KYNU: variants seen among roughly 807,000 people sequenced by gnomAD.
KYNU encodes kynureninase.
In KYNU, 54 loss-of-function variants were observed where a neutral mutation model predicts 59.2. The ratio of observed to expected loss-of-function variants is 0.91; its 90% CI spans 0.73 to 1.14. The LOEUF (loss-of-function observed/expected upper bound fraction) is 1.14. KYNU is among the 50% of genes most tolerant of loss of function. KYNU has a pLI of 0.00. For missense variants in KYNU, 567 were observed against 554.4 expected, an observed-to-expected ratio of 1.02 and a Z score of -0.23; for synonymous variants, 177 against 192.0, an observed-to-expected ratio of 0.92 and a Z score of 0.65.
chr2:142,927,206 A>C (rs1048448957), intron 3 of KYNU, among the ~76,000 whole-genome samples: 8 of 152,218 alleles, frequency 5.3e-5, no homozygotes, highest in Non-Finnish European at 1.2e-4. Flanking sequence ...CATGAGTATA[A>C]TCACATTTTA....
At chr2:142,932,690 T>G (rs1683263225) in intron 4 of KYNU, among the ~76,000 whole-genome samples, 1 of 143,940 alleles carries the variant, frequency 6.9e-6, no homozygotes, top group Admixed American at 7.4e-5. Flanking sequence ...AGAGCTTGAG[T>G]GAGGGCAATG....
intron 3 of KYNU, among the ~76,000 whole-genome samples, chr2:142,920,821 C>T (rs917368571): frequency 6.6e-6 from 1 of 152,138 alleles, no homozygotes; most frequent in Non-Finnish European, 1.5e-5. Flanking sequence ...ATCATGGACC[C>T]GCCCATAAAT....
intron 12 of KYNU, among the ~76,000 whole-genome samples, chr2:143,039,124 C>T (rs116473034): frequency 1.4e-3 from 207 of 152,254 alleles, no homozygotes; most frequent in African/African-American, 4.8e-3. Context: ...AGTATTTTCA[C>T]ACCAGTGCTA....
At chr2:142,997,555 G>A (rs778189803) in intron 10 of KYNU, among the ~76,000 whole-genome samples, 35 of 152,072 alleles carry the variant, frequency 2.3e-4, no homozygotes, top group Non-Finnish European at 2.6e-4. Flanking sequence ...AAGAATGTTC[G>A]CATTCCTGAA....
chr2:142,905,365 T>A (rs1224415987), intron 2 of KYNU, among the ~76,000 whole-genome samples: 1 of 152,216 alleles, frequency 6.6e-6, no homozygotes, highest in Non-Finnish European at 1.5e-5. Context: ...TCCTAACTCT[T>A]CTTCCACAAG....
intron 7 of KYNU, 149 bp from the exon 8 acceptor site, chr2:142,960,475 C>A (rs1684304895): frequency 3.5e-6 from 2 of 576,560 alleles, no homozygotes; most frequent in Non-Finnish European, 5.9e-6. Context: ...TCAAATGCTG[C>A]TCTTATGCCA....
At chr2:143,040,242 C>T (rs968836946) in intron 12 of KYNU, among the ~76,000 whole-genome samples, 186 bp from the exon 13 acceptor site, 3 of 151,902 alleles carry the variant, frequency 2.0e-5, no homozygotes, top group Non-Finnish European at 2.9e-5. Flanking sequence ...GGAAATTTTA[C>T]CTTCAGTATT....
At chr2:142,912,843 G>A (rs537210725) in intron 2 of KYNU, among the ~76,000 whole-genome samples, 1 of 150,984 alleles carries the variant, frequency 6.6e-6, no homozygotes, top group East Asian at 2.0e-4. Flanking sequence ...CAAATTAGCT[G>A]GGACTACAGG....
Position 143,054,549 on chromosome 2 carries a change from C to G in KYNU, c.*12377C>G, listed in dbSNP as rs1032917591. On this transcript the variant is annotated 3_prime_UTR_variant, in exon 14 of 14. Transcript: ENST00000264170. Reference sequence around the variant, plus strand: ...GAACTTCATTGATCAATACTGATACCACTAAAAATGGAACAACATGTAATT... The same window carrying G: ...GAACTTCATTGATCAATACTGATACGACTAAAAATGGAACAACATGTAATT... 24 of 152,010 alleles carry G rather than the reference C, an allele frequency of 1.6e-4. No individual in the cohort carries two copies. The highest frequency in any genetic ancestry group is 1.6e-3 in the Admixed American group (24 of 15,256). The allele number at this position is 152,010 out of a possible 1,614,324, so 9.4% of individuals were successfully genotyped here. A position where few individuals can be genotyped will look rare whatever the true frequency, so the allele number is the denominator to read the frequency against.
chr2:142,939,663 G>A (rs1476954473), intron 4 of KYNU, among the ~76,000 whole-genome samples: 3 of 145,920 alleles, frequency 2.1e-5, no homozygotes, highest in Non-Finnish European at 3.0e-5. Context: ...AGTACAGACC[G>A]AAAATTCTCC....
chr2:142,887,515 G>A (rs1204843709), intron 2 of KYNU, among the ~76,000 whole-genome samples: 1 of 152,114 alleles, frequency 6.6e-6, no homozygotes, highest in Non-Finnish European at 1.5e-5. Context: ...GTTCATCATA[G>A]CATTATTCAT....
At chr2:143,028,499 C>T (rs1351647650) in intron 10 of KYNU, among the ~76,000 whole-genome samples, 2 of 149,104 alleles carry the variant, frequency 1.3e-5, no homozygotes, top group Admixed American at 1.3e-4. Flanking sequence ...GCCTTGGCCT[C>T]CCAAAGTGCT....
At chr2:142,926,442 G>C (rs937500267) in intron 3 of KYNU, among the ~76,000 whole-genome samples, 2 of 152,094 alleles carry the variant, frequency 1.3e-5, no homozygotes, top group Non-Finnish European at 2.9e-5. Context: ...AAATAGAGCA[G>C]GTTTTGATCA....
intron 10 of KYNU, among the ~76,000 whole-genome samples, chr2:143,019,978 C>T (rs1043229045): frequency 6.6e-6 from 1 of 151,734 alleles, no homozygotes; most frequent in Non-Finnish European, 1.5e-5. Context: ...TTGTAATATT[C>T]CCTTTTCAGT....
intron 5 of KYNU, 48 bp from the exon 6 acceptor site, chr2:142,956,155 G>A: frequency 9.8e-7 from 1 of 1,015,590 alleles, no homozygotes; most frequent in Non-Finnish European, 1.6e-6. Flanking sequence ...ATGAACAAAT[G>A]TATAAATTGT....
At chr2:143,003,901 G>A (rs1235012066) in intron 10 of KYNU, among the ~76,000 whole-genome samples, 2 of 135,732 alleles carry the variant, frequency 1.5e-5, no homozygotes, top group African/African-American at 2.8e-5. Flanking sequence ...AAAGAACGCT[G>A]TGTTTGACAT....
intron 4 of KYNU, among the ~76,000 whole-genome samples, chr2:142,949,723 A>T (rs1354825993): frequency 2.6e-5 from 4 of 152,050 alleles, no homozygotes; most frequent in Non-Finnish European, 4.4e-5. Context: ...TGCCATGAAG[A>T]CCTCTGACAT....
chr2:143,017,364 C>T (rs769771286), intron 10 of KYNU, among the ~76,000 whole-genome samples: 10 of 150,752 alleles, frequency 6.6e-5, no homozygotes, highest in South Asian at 2.1e-4. Context: ...CCACCAACAG[C>T]GTATAACTGT....
Position 142,918,621 on chromosome 2 carries a change from T to C in KYNU, c.182T>C (p.Leu61Ser). 2.5e-6 allele frequency: 4 copies of C among 1,596,500 alleles called. No individual in the cohort carries two copies. The highest frequency in any genetic ancestry group is 3.4e-6 in the Non-Finnish European group (4 of 1,170,102). Residue 61 changes from leucine (L) to serine (S), a missense_variant, in exon 3 of 14, where the codon TTA (leucine) becomes TCA (serine). Coordinates refer to ENST00000264170, the MANE Select transcript of KYNU (RefSeq NM_003937.3). ...IQDLPPVDLSLVNKDENAIYF... is the reference protein window; with the variant it reads ...IQDLPPVDLSSVNKDENAIYF... ...TCTTCTGTTTCAGTTGATTTATCATTAGTGAATAAAGATGAAAATGCCATC... is the reference window on the plus strand; with the variant it reads ...TCTTCTGTTTCAGTTGATTTATCATCAGTGAATAAAGATGAAAATGCCATC...
Sources: gnomAD v4.1 joint callset for allele counts (sites outside exome capture counted in the v4.1 genomes callset) on GRCh38, gnomAD v4.1.1 for gene constraint, MANE v1.5 for transcripts, NCBI Gene and HGNC (gene_info 2026-07-23, HGNC 2026-07-21) for gene names.